GRM5: variants seen among roughly 807,000 people sequenced by gnomAD.
The protein encoded by GRM5 is glutamate metabotropic receptor 5.
In GRM5, 19 loss-of-function variants were observed where a neutral mutation model predicts 83.1. The observed-to-expected ratio is 0.23, with a 90% CI of 0.16 to 0.34. The LOEUF is 0.34. Ranked by LOEUF, GRM5 falls within the 10% of genes least tolerant of loss-of-function variation. The pLI is 1.00. For synonymous variants in GRM5, 675 were observed against 633.6 expected, an observed-to-expected ratio of 1.07 and a Z score of -0.98; for missense variants, 1,160 against 1,588.3, an observed-to-expected ratio of 0.73 and a Z score of 4.58.
intron 3 of GRM5, among the ~76,000 whole-genome samples, chr11:88,709,499 C>G (rs1346577630): frequency 6.6e-6 from 1 of 152,032 alleles, no homozygotes; most frequent in Non-Finnish European, 1.5e-5. Flanking sequence ...CACTGAGGAG[C>G]AAAATGAGGA....
intron 2 of GRM5, among the ~76,000 whole-genome samples, chr11:89,001,683 A>T (rs1220519347): frequency 6.6e-6 from 1 of 152,112 alleles, no homozygotes; most frequent in Admixed American, 6.6e-5. Flanking sequence ...AAAGGTTACC[A>T]TTTGAGGAAA....
intron 3 of GRM5, among the ~76,000 whole-genome samples, chr11:88,721,906 A>AAGAT (rs765035051): frequency 9.2e-5 from 14 of 152,270 alleles, no homozygotes; most frequent in Middle Eastern, 3.4e-3. Context: ...CACTTTTATG[A>AAGAT]AGATATACCT....
chr11:88,881,602 G>C (rs1944954632), intron 2 of GRM5, among the ~76,000 whole-genome samples: 1 of 152,162 alleles, frequency 6.6e-6, no homozygotes, highest in South Asian at 2.1e-4. Flanking sequence ...ATGAAACCGA[G>C]TTCAAGTATA....
intron 3 of GRM5, among the ~76,000 whole-genome samples, chr11:88,674,637 A>C (rs1051894615): frequency 2.6e-5 from 4 of 151,732 alleles, no homozygotes; most frequent in Non-Finnish European, 4.4e-5. Context: ...GGGCAGTGTC[A>C]CTCTTTCTCA....
chr11:88,737,349 G>GT lies in GRM5; in HGVS notation c.912-83947dup, dbSNP rs1190823930. Among the ~76,000 whole-genome samples the GT allele has an allele frequency of 2.0e-5, 3 of 151,966 alleles. No homozygotes were observed. The East Asian group carries it at 5.8e-4, about 29-fold the overall frequency. ...CAGCTATGTTGAAGTCAAGAAGAGT[G>GT]TTTTTTCTCTGGGAGGCTTGGTGCT... On this transcript the variant is annotated intron_variant, in intron 3 of 9. Coordinates refer to ENST00000305447, the MANE Select transcript of GRM5 (RefSeq NM_001143831.3).
chr11:89,021,271 GAAAT>G (rs1940975976), intron 2 of GRM5, among the ~76,000 whole-genome samples: 1 of 152,104 alleles, frequency 6.6e-6, no homozygotes, highest in Non-Finnish European at 1.5e-5. Flanking sequence ...TGTGCAGGAA[GAAAT>G]AAAAAAGAAA....
At chr11:88,739,205 CA>C (rs1941979731) in intron 3 of GRM5, among the ~76,000 whole-genome samples, 2 of 152,010 alleles carry the variant, frequency 1.3e-5, no homozygotes, top group African/African-American at 4.8e-5. Context: ...ATATGGTAAA[CA>C]AGACTTACAA....
intron 2 of GRM5, among the ~76,000 whole-genome samples, chr11:89,028,109 C>A (rs891274346): frequency 8.5e-5 from 13 of 152,180 alleles, no homozygotes; most frequent in African/African-American, 2.9e-4. Flanking sequence ...TTCCAGCCAA[C>A]AGAATTGTGA....
intron 3 of GRM5, among the ~76,000 whole-genome samples, chr11:88,720,645 C>CAGCTT (rs1410330305): frequency 3.3e-5 from 5 of 152,028 alleles, no homozygotes; most frequent in Admixed American, 3.3e-4. Flanking sequence ...GAGACATATT[C>CAGCTT]AGCTTATCCA....
At chr11:89,036,269 A>G (rs1412006067) in intron 2 of GRM5, among the ~76,000 whole-genome samples, 2 of 152,052 alleles carry the variant, frequency 1.3e-5, no homozygotes, top group South Asian at 2.1e-4. Context: ...CTTATGCCAA[A>G]GCAATAAGCA....
intron 2 of GRM5, among the ~76,000 whole-genome samples, chr11:89,034,505 T>G (rs1255325477): frequency 6.6e-6 from 1 of 151,902 alleles, no homozygotes; most frequent in African/African-American, 2.4e-5. Flanking sequence ...TCTATTTTTA[T>G]GCAGCCATGG....
chr11:88,691,612 T>G (rs1036712629), intron 3 of GRM5, among the ~76,000 whole-genome samples: 1 of 152,190 alleles, frequency 6.6e-6, no homozygotes, highest in African/African-American at 2.4e-5. Context: ...TTTACAGACT[T>G]CAATCTCAAC....
At chr11:88,981,020 AAT>A (rs1555053114) in intron 2 of GRM5, among the ~76,000 whole-genome samples, 2 of 151,830 alleles carry the variant, frequency 1.3e-5, no homozygotes, top group Non-Finnish European at 2.9e-5. Context: ...AGAAAAAAAA[AAT>A]GAGTTTTTTA....
intron 3 of GRM5, among the ~76,000 whole-genome samples, chr11:88,718,635 C>T (rs369178691): frequency 3.0e-4 from 45 of 152,014 alleles, no homozygotes; most frequent in South Asian, 1.7e-3. Context: ...TCAAAGACTG[C>T]CTCTTTTCTA....
chr11:88,803,698 AC>A, intron 3 of GRM5, among the ~76,000 whole-genome samples: 1 of 152,314 alleles, frequency 6.6e-6, no homozygotes, highest in South Asian at 2.1e-4. Context: ...ATCTAATTAA[AC>A]TAAAGAGCTT....
intron 8 of GRM5, among the ~76,000 whole-genome samples, chr11:88,560,709 A>G (rs1942734851): frequency 6.6e-6 from 1 of 152,126 alleles, no homozygotes; most frequent in Non-Finnish European, 1.5e-5. Context: ...CTCTTTATTA[A>G]TCACTGCATG....
intron 3 of GRM5, among the ~76,000 whole-genome samples, chr11:88,702,879 G>A (rs1322349781): frequency 6.6e-6 from 1 of 152,012 alleles, no homozygotes; most frequent in Admixed American, 6.6e-5. Context: ...AATGGGAGAG[G>A]CCTCAGAGGA....
At chr11:89,002,819 C>T (rs188802318) in intron 2 of GRM5, among the ~76,000 whole-genome samples, 2 of 152,060 alleles carry the variant, frequency 1.3e-5, no homozygotes, top group South Asian at 2.1e-4. Context: ...TGCTTCCCCC[C>T]CAGAGAGCCA....
At chr11:88,659,143 T>C (rs72639193) in intron 3 of GRM5, among the ~76,000 whole-genome samples, 3,175 of 152,218 alleles carry the variant, frequency 0.021, 90 homozygotes, top group East Asian at 0.12. Context: ...CCTCCAAACT[T>C]GTGGGGCATA....
Sources: allele counts gnomAD v4.1 joint callset (sites outside exome capture counted in the v4.1 genomes callset), GRCh38; gene constraint gnomAD v4.1.1; transcripts MANE v1.5; gene names NCBI Gene and HGNC (gene_info 2026-07-23, HGNC 2026-07-21).